The following FUT8 variants were observed in gnomAD, a reference collection of about 807,000 sequenced individuals.
The protein encoded by FUT8 is fucosyltransferase 8, also known as alpha-(1,6)-fucosyltransferase.
In FUT8, 29 loss-of-function variants were observed where a neutral mutation model predicts 71.3. The ratio of observed to expected loss-of-function variants is 0.41; its 90% CI spans 0.30 to 0.55. FUT8 has a LOEUF of 0.55. Ranked by LOEUF, FUT8 falls within the 20% of genes least tolerant of loss-of-function variation. FUT8 has a pLI of 0.34. For missense variants in FUT8, 544 were observed against 702.1 expected (o/e 0.77, Z 2.55); for synonymous variants, 254 against 239.3 (o/e 1.06, Z -0.57).
At chr14:65,475,314 C>A (rs1172335574) in intron 2 of FUT8, among the ~76,000 whole-genome samples, 1 of 152,022 alleles carries the variant, frequency 6.6e-6, no homozygotes, top group Non-Finnish European at 1.5e-5. Context: ...ATAAAAATTC[C>A]ACATGTCATA....
At chr14:65,682,945 G>T (rs994941845) in intron 7 of FUT8, among the ~76,000 whole-genome samples, 1 of 151,722 alleles carries the variant, frequency 6.6e-6, no homozygotes, top group Non-Finnish European at 1.5e-5. Context: ...CTTGCATTTT[G>T]TATTCAGTCT....
chr14:65,465,256 TTTC>T (rs1486195597), intron 2 of FUT8, among the ~76,000 whole-genome samples: 1 of 152,242 alleles, frequency 6.6e-6, no homozygotes, highest in Admixed American at 6.5e-5. Context: ...TAATTTTACC[TTTC>T]TTCTTTTTTA....
intron 1 of FUT8, among the ~76,000 whole-genome samples, chr14:65,419,279 AAAAAAC>A (rs1252699267): frequency 6.6e-6 from 1 of 152,178 alleles, no homozygotes; most frequent in Non-Finnish European, 1.5e-5. Flanking sequence ...AAACAAAACA[AAAAAAC>A]AAAAACAAAT....
intron 2 of FUT8, among the ~76,000 whole-genome samples, chr14:65,516,878 CTTA>C (rs1038375257): frequency 1.3e-5 from 2 of 151,502 alleles, no homozygotes; most frequent in African/African-American, 4.9e-5. Flanking sequence ...TTCCCCGTTA[CTTA>C]TTATCTCCCC....
upstream of FUT8, chr14:65,412,340 C>T (rs1440666869): frequency 4.4e-6 from 2 of 456,174 alleles, no homozygotes; most frequent in Non-Finnish European, 8.8e-6. Flanking sequence ...AGTGCGGGTG[C>T]CCCCTAGGGC....
intron 2 of FUT8, among the ~76,000 whole-genome samples, chr14:65,482,049 T>G (rs1413126409): frequency 6.6e-6 from 1 of 152,220 alleles, no homozygotes; most frequent in Non-Finnish European, 1.5e-5. Context: ...TATTTTTGTT[T>G]ATGTATCTAA....
At chr14:65,469,276 T>C (rs2066098547) in intron 2 of FUT8, among the ~76,000 whole-genome samples, 6 of 152,242 alleles carry the variant, frequency 3.9e-5, no homozygotes. Flanking sequence ...GCTTTGTTTC[T>C]TCAGATTGTA....
intron 2 of FUT8, among the ~76,000 whole-genome samples, chr14:65,552,133 A>C (rs1233564592): frequency 6.6e-6 from 1 of 152,220 alleles, no homozygotes; most frequent in African/African-American, 2.4e-5. Context: ...ATGCTTAAAA[A>C]TAAAATGATA....
At chr14:65,542,847 A>G (rs1884758198) in intron 2 of FUT8, among the ~76,000 whole-genome samples, 1 of 151,960 alleles carries the variant, frequency 6.6e-6, no homozygotes, top group African/African-American at 2.4e-5. Context: ...CAATGGCGCG[A>G]TATTGGCTCA....
chr14:65,532,612 T>A (rs1884029590), intron 2 of FUT8, among the ~76,000 whole-genome samples: 1 of 152,232 alleles, frequency 6.6e-6, no homozygotes, highest in Non-Finnish European at 1.5e-5. Flanking sequence ...TGTCGATAGT[T>A]TCTTTTGCTG....
chr14:65,691,693 A>T (rs373478301), intron 7 of FUT8, among the ~76,000 whole-genome samples: 1 of 151,988 alleles, frequency 6.6e-6, no homozygotes, highest in Non-Finnish European at 1.5e-5. Flanking sequence ...AGGGAAGGTC[A>T]ACAGATAAAC....
intron 2 of FUT8, among the ~76,000 whole-genome samples, chr14:65,482,084 A>T (rs1268604533): frequency 6.6e-6 from 1 of 152,208 alleles, no homozygotes; most frequent in East Asian, 1.9e-4. Flanking sequence ...ATCCAAGGGC[A>T]TAGAAGTTCT....
Position 65,489,796 on chromosome 14 carries a change from A to T in FUT8, c.-228+34078A>T, listed in dbSNP as rs535116587. ...GTCATGTGGGTCATAGACTTGTTTC[A>T]TAGTAAAACAGATGGCATGGCAAGG... On this transcript the variant is annotated intron_variant, in intron 2 of 10. Coordinates refer to ENST00000673929, the MANE Select transcript of FUT8 (RefSeq NM_001371533.1). This position sits in a 1 kb window ranked among gnomAD's most constrained non-coding sequence, Gnocchi z 4.0. Among the ~76,000 whole-genome samples the T allele has an allele frequency of 6.6e-6, 1 of 152,238 alleles. No homozygotes were observed. Among genetic ancestry groups the T allele is most frequent in the Admixed American group, 6.5e-5 (1 of 15,284 alleles).
At chr14:65,439,871 A>C (rs777366077) in intron 1 of FUT8, among the ~76,000 whole-genome samples, 3 of 149,688 alleles carry the variant, frequency 2.0e-5, no homozygotes, top group Non-Finnish European at 3.0e-5. Flanking sequence ...TTGTTAAAGC[A>C]TTATTTGCCA....
intron 2 of FUT8, among the ~76,000 whole-genome samples, chr14:65,540,250 C>A (rs1361550498): frequency 3.3e-5 from 5 of 152,140 alleles, no homozygotes; most frequent in South Asian, 2.1e-4. Flanking sequence ...AGTAATAGAA[C>A]CCTGATTTTT....
intron 6 of FUT8, among the ~76,000 whole-genome samples, chr14:65,645,595 G>C (rs902751749): frequency 6.6e-5 from 10 of 152,156 alleles, no homozygotes; most frequent in African/African-American, 2.4e-4. Context: ...CTGTAAGCTT[G>C]TGCCGTTTAG....
At chr14:65,528,676 T>C (rs1056942130) in intron 2 of FUT8, among the ~76,000 whole-genome samples, 7 of 152,142 alleles carry the variant, frequency 4.6e-5, no homozygotes, top group African/African-American at 1.4e-4. Flanking sequence ...TGCTCCTATT[T>C]GGCCATCTTG....
intron 2 of FUT8, among the ~76,000 whole-genome samples, chr14:65,558,021 G>T (rs1479872870): frequency 6.6e-6 from 1 of 151,880 alleles, no homozygotes; most frequent in Admixed American, 6.6e-5. Context: ...TTTTTTCATG[G>T]TTAAAAGGTA....
At chr14:65,711,590 C>G (rs548016861) in intron 7 of FUT8, among the ~76,000 whole-genome samples, 1 of 152,150 alleles carries the variant, frequency 6.6e-6, no homozygotes, top group Admixed American at 6.5e-5. Context: ...GGAAAGCACC[C>G]CAGTTTTCCT....
Sources: allele counts gnomAD v4.1 joint callset (sites outside exome capture counted in the v4.1 genomes callset), GRCh38; gene constraint gnomAD v4.1.1; non-coding constraint Gnocchi (gnomAD v3.1); transcripts MANE v1.5; gene names NCBI Gene and HGNC (gene_info 2026-07-23, HGNC 2026-07-21).